LRRFIP2: variants seen among roughly 807,000 people sequenced by gnomAD.
LRRFIP2 encodes LRR binding FLII interacting protein 2.
In LRRFIP2, 109 loss-of-function variants were observed where a neutral mutation model predicts 125.9. The observed-to-expected ratio is 0.87, with a 90% CI of 0.74 to 1.01. The LOEUF is 1.01. LRRFIP2 is among the 50% of genes least tolerant of loss of function. LRRFIP2 has a pLI of 0.00. For missense variants in LRRFIP2, 850 were observed against 862.3 expected (o/e 0.99, Z 0.18); for synonymous variants, 291 against 293.1 (o/e 0.99, Z 0.07).
At chr3:37,175,519 G>A (rs2150503530), upstream of LRRFIP2, among the ~76,000 whole-genome samples, 1 of 152,304 alleles carries the variant, frequency 6.6e-6, no homozygotes, top group African/African-American at 2.4e-5. Flanking sequence ...CTCACAGGCA[G>A]GGCTGACTGG....
chr3:37,159,358 T>C (rs2096275484), intron 1 of LRRFIP2, among the ~76,000 whole-genome samples: 1 of 152,250 alleles, frequency 6.6e-6, no homozygotes, highest in African/African-American at 2.4e-5. Flanking sequence ...GTCTATCCTA[T>C]GCCAGTATCA....
intron 15 of LRRFIP2, 26 bp downstream of exon 15, chr3:37,102,898 C>T (rs2094138743): frequency 2.5e-5 from 37 of 1,487,850 alleles, no homozygotes; most frequent in Non-Finnish European, 3.3e-5. Flanking sequence ...GACAACATAA[C>T]CAACCACCCC....
chr3:37,148,123 A>G (rs938453346), intron 2 of LRRFIP2, among the ~76,000 whole-genome samples: 1 of 152,236 alleles, frequency 6.6e-6, no homozygotes, highest in African/African-American at 2.4e-5. Flanking sequence ...TATAGTCATC[A>G]TATCTTCAAC....
rs1420451887 is a variant in LRRFIP2, at chr3:37,090,529, CTGTAGTG to C, written c.1107+931_1107+937del. 9.8e-5 allele frequency among the ~76,000 whole-genome samples: 15 copies of C among 152,286 alleles called. No individual in the cohort carries two copies. The South Asian group carries it at 3.1e-3, about 32-fold the overall frequency. ...ACAGGCATGAGCCACTGTGCCTGCC[CTGTAGTG>C]TGTATTTTGATTTCAAATCAGGACA... On this transcript the variant is annotated intron_variant, in intron 18 of 27. Coordinates refer to ENST00000336686, the MANE Select transcript of LRRFIP2 (RefSeq NM_006309.4).
At chr3:37,135,387 G>A (rs1181757059) in intron 2 of LRRFIP2, among the ~76,000 whole-genome samples, 7 of 151,730 alleles carry the variant, frequency 4.6e-5, no homozygotes, top group Non-Finnish European at 1.0e-4. Flanking sequence ...TCACCCAGGA[G>A]GCGGAGGCTG....
rs115123942 is a variant in LRRFIP2, at chr3:37,113,951, A to G, written c.373-971T>C. ...TACTACTAAATAGGTAAATTGGTAG[A>G]TAAGAAATCTAATCTAGGTACGTAC... On this transcript the variant is annotated intron_variant, in intron 7 of 27. Coordinates refer to ENST00000336686, the MANE Select transcript of LRRFIP2 (RefSeq NM_006309.4). Among the ~76,000 whole-genome samples, 423 of 152,336 alleles carry G rather than the reference A, an allele frequency of 2.8e-3. 3 individuals carry two copies. Among genetic ancestry groups the G allele is most frequent in the African/African-American group, 9.8e-3 (406 of 41,578 alleles).
chr3:37,093,249 T>TAG (rs2093558222), intron 17 of LRRFIP2: 1 of 152,994 alleles, frequency 6.5e-6, no homozygotes, highest in Non-Finnish European at 1.5e-5. Context: ...CCTACAATCT[T>TAG]AGTCACCGCC....
intron 13 of LRRFIP2, 48 bp from the exon 14 acceptor site, chr3:37,105,571 G>A (rs907539936): frequency 1.4e-6 from 2 of 1,391,906 alleles, no homozygotes; most frequent in African/African-American, 2.8e-5. Context: ...TTTTGCTATG[G>A]TGTTACCTCA....
intron 4 of LRRFIP2, among the ~76,000 whole-genome samples, chr3:37,126,031 G>GTTT (rs66741353): frequency 7.7e-6 from 1 of 129,772 alleles, no homozygotes; most frequent in Non-Finnish European, 1.8e-5. Flanking sequence ...TGTTGTTGTT[G>GTTT]TTTGTTTGTT....
intron 1 of LRRFIP2, among the ~76,000 whole-genome samples, chr3:37,158,359 C>A (rs2096253142): frequency 1.3e-5 from 2 of 151,934 alleles, no homozygotes; most frequent in Non-Finnish European, 1.5e-5. Context: ...GTAATCCCAG[C>A]ACTTTGGGAG....
At chr3:37,135,217 T>C (rs1397616438) in intron 2 of LRRFIP2, 6 of 710,766 alleles carry the variant, frequency 8.4e-6, no homozygotes, top group Non-Finnish European at 1.4e-5. Context: ...TCCTAGCACT[T>C]TGGGAGTCCA....
chr3:37,066,125 G>T, intron 22 of LRRFIP2, 99 bp downstream of exon 22: 1 of 1,325,948 alleles, frequency 7.5e-7, no homozygotes, highest in Non-Finnish European at 1.1e-6. Flanking sequence ...AATAAACACT[G>T]TAGTTTGTAT....
intron 25 of LRRFIP2, among the ~76,000 whole-genome samples, chr3:37,057,455 C>G (rs2148635156): frequency 6.6e-6 from 1 of 152,258 alleles, no homozygotes; most frequent in Non-Finnish European, 1.5e-5. Context: ...CACAAGTGTC[C>G]TAACTGATGT....
Position 37,053,963 on chromosome 3 carries a change from TG to T in LRRFIP2, c.2056-3del. 6.4e-7 allele frequency: 1 copy of T among 1,568,770 alleles called. No individual in the cohort carries two copies. Among genetic ancestry groups the T allele is most frequent in the Non-Finnish European group, 8.8e-7 (1 of 1,138,660 alleles). ...AATCTTGTCCAGTGCTGTTCGTAAC[TG>T]GAGACAGGGAGAATGCAGTCACTAC... On this transcript the variant is annotated splice_polypyrimidine_tract_variant and splice_region_variant and intron_variant, in intron 27 of 27. Coordinates refer to ENST00000336686, the MANE Select transcript of LRRFIP2 (RefSeq NM_006309.4).
chr3:37,071,132 T>C (rs551138194), intron 21 of LRRFIP2, among the ~76,000 whole-genome samples: 41 of 152,388 alleles, frequency 2.7e-4, no homozygotes, highest in African/African-American at 9.9e-4. Context: ...CAGAAGGCTT[T>C]TCTAGGTTTA....
intron 1 of LRRFIP2, among the ~76,000 whole-genome samples, chr3:37,159,484 T>C (rs1268198404): frequency 3.3e-5 from 5 of 152,178 alleles, no homozygotes; most frequent in Non-Finnish European, 5.9e-5. Context: ...CATTCCCATA[T>C]AAATTTTAGA....
At chr3:37,070,692 T>C (rs1312693108) in intron 21 of LRRFIP2, among the ~76,000 whole-genome samples, 1 of 152,094 alleles carries the variant, frequency 6.6e-6, no homozygotes, top group Non-Finnish European at 1.5e-5. Context: ...ATCGTGCCAC[T>C]ATACTCCAGC....
intron 1 of LRRFIP2, among the ~76,000 whole-genome samples, chr3:37,151,227 C>T (rs1283805020): frequency 1.3e-5 from 2 of 152,000 alleles, no homozygotes; most frequent in African/African-American, 4.8e-5. Context: ...GGCGAGGTGG[C>T]ACATGTCTGT....
At chr3:37,079,009 T>C (rs147013314) in intron 19 of LRRFIP2, among the ~76,000 whole-genome samples, 10 of 152,314 alleles carry the variant, frequency 6.6e-5, no homozygotes, top group Admixed American at 6.5e-4. Context: ...CCAATTCCTT[T>C]TTTTGAAAAC....
Sources: gnomAD v4.1 joint callset for allele counts (sites outside exome capture counted in the v4.1 genomes callset) on GRCh38, gnomAD v4.1.1 for gene constraint, MANE v1.5 for transcripts, NCBI Gene and HGNC (gene_info 2026-07-23, HGNC 2026-07-21) for gene names.